The following NECTIN3 variants were observed in gnomAD, a reference collection of about 807,000 sequenced individuals.
NECTIN3 encodes nectin cell adhesion molecule 3, also known as nectin-3.
A neutral mutation model predicts 49.4 loss-of-function variants in NECTIN3; 8 were observed. That is an observed-to-expected ratio of 0.16 (90% CI 0.10 to 0.29). The LOEUF (loss-of-function observed/expected upper bound fraction) is 0.29. Ranked by LOEUF, NECTIN3 falls within the 10% of genes least tolerant of loss-of-function variation. NECTIN3 has a pLI of 1.00. For synonymous variants in NECTIN3, 277 were observed against 241.1 expected (o/e 1.15, Z -1.38); for missense variants, 581 against 654.6 (o/e 0.89, Z 1.23).
At chr3:111,154,653 T>C (rs1393359113) in intron 7 of NECTIN3, among the ~76,000 whole-genome samples, 1 of 152,142 alleles carries the variant, frequency 6.6e-6, no homozygotes, top group Non-Finnish European at 1.5e-5. Flanking sequence ...CCAACACTTA[T>C]GGTCAGACAT....
At chr3:111,170,021 C>A (rs1165536417) in intron 7 of NECTIN3, among the ~76,000 whole-genome samples, 2 of 152,144 alleles carry the variant, frequency 1.3e-5, no homozygotes, top group African/African-American at 4.8e-5. Flanking sequence ...TTGTGTGCCC[C>A]CCTTTGTCTC....
intron 1 of NECTIN3, among the ~76,000 whole-genome samples, chr3:111,092,029 C>T (rs971332984): frequency 8.5e-5 from 13 of 152,102 alleles, no homozygotes; most frequent in East Asian, 1.9e-4. Flanking sequence ...TTTGCATTAC[C>T]GTGATGGCTG....
chr3:111,130,005 G>C (rs1369883163), intron 5 of NECTIN3, among the ~76,000 whole-genome samples: 1 of 142,558 alleles, frequency 7.0e-6, no homozygotes, highest in East Asian at 2.1e-4. Context: ...GCCCAGGCTT[G>C]AGTGCAGTGG....
chr3:111,144,245 A>G (rs2107507111), intron 5 of NECTIN3, among the ~76,000 whole-genome samples: 1 of 152,118 alleles, frequency 6.6e-6, no homozygotes, highest in East Asian at 1.9e-4. Flanking sequence ...GTATTCAGAA[A>G]TGACATATGT....
chr3:111,076,206 A>T (rs1437725360), intron 1 of NECTIN3, among the ~76,000 whole-genome samples: 2 of 152,106 alleles, frequency 1.3e-5, no homozygotes, highest in East Asian at 3.8e-4. Context: ...TAAGGGATAA[A>T]ACTTATGGGT....
At chr3:111,084,669 T>C (rs2031825687) in intron 1 of NECTIN3, among the ~76,000 whole-genome samples, 1 of 152,122 alleles carries the variant, frequency 6.6e-6, no homozygotes, top group Admixed American at 6.5e-5. Flanking sequence ...AGGGTTGTAA[T>C]GGTAGAAATG....
intron 1 of NECTIN3, among the ~76,000 whole-genome samples, chr3:111,110,192 A>G (rs1023921096): frequency 2.0e-5 from 3 of 151,442 alleles, no homozygotes; most frequent in Non-Finnish European, 3.0e-5. Context: ...TTCCTTTTTC[A>G]TATTACACTG....
chr3:111,137,011 G>A lies in NECTIN3; in HGVS notation c.*2796G>A, dbSNP rs145364801. The A allele has an allele frequency of 2.5e-3, 2,422 of 975,786 alleles. 3 individuals carry two copies. Among genetic ancestry groups the A allele is most frequent in the Admixed American group, 3.6e-3 (58 of 16,154 alleles). The allele number at this position is 975,786 out of a possible 1,614,324, so 60.4% of individuals were successfully genotyped here. On this transcript the variant is annotated 3_prime_UTR_variant, in exon 6 of 6. Transcript: ENST00000485303. ...ACTATTAAGGTTTTCAGTAGTAAGT[G>A]TTGCTTCTAATAGCCATATACAGGA...
upstream of NECTIN3, among the ~76,000 whole-genome samples, chr3:111,187,780 A>G (rs766666259): frequency 8.5e-5 from 13 of 152,212 alleles, no homozygotes; most frequent in Non-Finnish European, 1.6e-4. Flanking sequence ...AATTATTGCT[A>G]TAGGTTGGGT....
At chr3:111,097,607 C>T (rs951372113) in intron 1 of NECTIN3, among the ~76,000 whole-genome samples, 16 of 152,114 alleles carry the variant, frequency 1.1e-4, no homozygotes, top group Admixed American at 3.9e-4. Flanking sequence ...GCAGATCTTT[C>T]CTGTGCTGTT....
At chr3:111,145,226 G>A (rs944289187) in intron 6 of NECTIN3, among the ~76,000 whole-genome samples, 1 of 152,138 alleles carries the variant, frequency 6.6e-6, no homozygotes, top group African/African-American at 2.4e-5. Context: ...TTTTCAAGGG[G>A]CTGCTAGAGG....
chr3:111,176,541 A>G (rs1191258769), intron 7 of NECTIN3, among the ~76,000 whole-genome samples: 1 of 152,194 alleles, frequency 6.6e-6, no homozygotes, highest in Admixed American at 6.5e-5. Flanking sequence ...TTATATTTAA[A>G]AAATTGGTGT....
upstream of NECTIN3, among the ~76,000 whole-genome samples, chr3:111,191,636 A>G (rs1274070971): frequency 1.3e-5 from 2 of 152,126 alleles, no homozygotes; most frequent in Non-Finnish European, 2.9e-5. Flanking sequence ...GCAAGCAAGA[A>G]AAGGATGATC....
rs75690090 is a variant in NECTIN3 at position 111,077,869 on chromosome 3, C to T, written c.160+5692C>T. Among the ~76,000 whole-genome samples, 6,261 of 152,132 alleles carry T rather than the reference C, an allele frequency of 0.041. 714 individuals carry two copies. In the East Asian group the frequency reaches 0.45, roughly 11 times the overall value. On this transcript the variant is annotated intron_variant, in intron 1 of 5. Transcript: ENST00000485303. The stretch of plus-strand genomic sequence containing the variant: ...AAATCAAGGTTAGTCCAAACCAGCA[C>T]GTTTTAATAGAACTATAATGCAAGC...
At chr3:111,108,647 G>T (rs563684520) in intron 1 of NECTIN3, among the ~76,000 whole-genome samples, 1 of 152,268 alleles carries the variant, frequency 6.6e-6, no homozygotes, top group African/African-American at 2.4e-5. Context: ...GAAACATGGT[G>T]CTGGCATCTG....
chr3:111,154,588 A>G (rs1188294646), intron 7 of NECTIN3, among the ~76,000 whole-genome samples: 2 of 152,164 alleles, frequency 1.3e-5, no homozygotes, highest in African/African-American at 4.8e-5. Context: ...CTGTGATCCT[A>G]AATGGTTTTA....
At chr3:111,106,375 G>T in intron 1 of NECTIN3, among the ~76,000 whole-genome samples, 1 of 152,060 alleles carries the variant, frequency 6.6e-6, no homozygotes. Flanking sequence ...TTTAATTCCA[G>T]AATTATCATT....
chr3:111,114,521 C>T (rs1385022162), intron 2 of NECTIN3, among the ~76,000 whole-genome samples: 1 of 152,010 alleles, frequency 6.6e-6, no homozygotes, highest in Admixed American at 6.6e-5. Flanking sequence ...GTCCCTAAAG[C>T]CAGTAAGAGT....
At chr3:111,133,239 A>G (rs1054613664) in intron 5 of NECTIN3, among the ~76,000 whole-genome samples, 12 of 151,810 alleles carry the variant, frequency 7.9e-5, no homozygotes, top group African/African-American at 2.7e-4. Context: ...GAAAATGTAC[A>G]TTTGAATTAC....
Sources: gnomAD v4.1 joint callset for allele counts (sites outside exome capture counted in the v4.1 genomes callset) on GRCh38, gnomAD v4.1.1 for gene constraint, MANE v1.5 for transcripts, NCBI Gene and HGNC (gene_info 2026-07-23, HGNC 2026-07-21) for gene names.